The following TRPM3 variants were observed in gnomAD, a reference collection of about 807,000 sequenced individuals.
TRPM3 encodes the protein transient receptor potential cation channel subfamily M member 3.
Under a neutral mutation model 181.2 loss-of-function variants are expected in TRPM3, and 77 were observed. The ratio of observed to expected loss-of-function variants is 0.42; its 90% CI spans 0.35 to 0.51. The LOEUF (loss-of-function observed/expected upper bound fraction) is 0.51, where lower values mean the gene tolerates loss of function less well. TRPM3 is among the 20% of genes least tolerant of loss of function. The pLI, the probability that TRPM3 is intolerant of heterozygous loss-of-function variation, is 0.01. For missense variants in TRPM3, 1,759 were observed against 2,196.7 expected (o/e 0.80, Z 3.98); for synonymous variants, 745 against 796.4 (o/e 0.94, Z 1.09).
chr9:70,980,805 G>T (rs1272692440), intron 1 of TRPM3, among the ~76,000 whole-genome samples: 1 of 152,124 alleles, frequency 6.6e-6, no homozygotes, highest in African/African-American at 2.4e-5. Flanking sequence ...CCAGTCTTTG[G>T]GTGCTTTGTG....
intron 25 of TRPM3, among the ~76,000 whole-genome samples, chr9:70,542,279 A>G (rs1198454325): frequency 6.6e-6 from 1 of 152,260 alleles, no homozygotes; most frequent in African/African-American, 2.4e-5. Context: ...ATGATAAAAA[A>G]TTTATGGATA....
At chr9:70,890,501 G>C (rs1160168332) in intron 1 of TRPM3, among the ~76,000 whole-genome samples, 5 of 152,058 alleles carry the variant, frequency 3.3e-5, no homozygotes, top group Non-Finnish European at 7.4e-5. Flanking sequence ...AGTAGATGAA[G>C]ATAGACCTCC....
At chr9:70,790,427 G>T (rs1588390974) in intron 6 of TRPM3, among the ~76,000 whole-genome samples, 2 of 152,188 alleles carry the variant, frequency 1.3e-5, no homozygotes, top group South Asian at 2.1e-4. Flanking sequence ...ACTAGCTAAA[G>T]CATGTCCCAG....
intron 6 of TRPM3, among the ~76,000 whole-genome samples, chr9:70,823,693 C>CT (rs1366202017): frequency 7.2e-5 from 11 of 151,946 alleles, no homozygotes; most frequent in Admixed American, 7.2e-4. Flanking sequence ...ATGGTTGCCC[C>CT]CCTTGATGTA....
chr9:71,221,044 G>A (rs2080209905), intron 1 of TRPM3, among the ~76,000 whole-genome samples: 1 of 152,270 alleles, frequency 6.6e-6, no homozygotes, highest in South Asian at 2.1e-4. Context: ...CTGTGTGAAT[G>A]AGCTAGTGAA....
chr9:71,344,287 C>T lies in TRPM3; in HGVS notation c.183+102366G>A, dbSNP rs560216755. 6.6e-5 allele frequency among the ~76,000 whole-genome samples: 10 copies of T among 151,944 alleles called. No homozygotes were observed. In the East Asian group the frequency reaches 1.7e-3, roughly 27 times the overall value. ...CAAAATGGCGAAACCCTGTCTCTAC[C>T]AAAAAATACAAAAATTAGCTAGGTA... On this transcript the variant is annotated intron_variant, in intron 1 of 24. Coordinates refer to the TRPM3 transcript ENST00000357533.
intron 1 of TRPM3, among the ~76,000 whole-genome samples, chr9:71,171,909 T>TTC (rs2076882199): frequency 6.7e-6 from 1 of 150,252 alleles, no homozygotes; most frequent in African/African-American, 2.4e-5. Flanking sequence ...TTTGTTGTTT[T>TTC]TGTTTTTAAG....
intron 6 of TRPM3, chr9:70,793,648 C>A: frequency 2.1e-6 from 1 of 470,546 alleles, no homozygotes. Flanking sequence ...CAGTCTTCAC[C>A]TGTCTTTTAT....
chr9:71,348,132 T>A (rs1390657231), intron 1 of TRPM3, among the ~76,000 whole-genome samples: 1 of 152,226 alleles, frequency 6.6e-6, no homozygotes, highest in Non-Finnish European at 1.5e-5. Flanking sequence ...AAATTATTTT[T>A]GCCCTATTGA....
chr9:71,050,514 C>T (rs886268646), intron 1 of TRPM3, among the ~76,000 whole-genome samples: 1 of 152,084 alleles, frequency 6.6e-6, no homozygotes, highest in Admixed American at 6.6e-5. Flanking sequence ...GATTACTGAA[C>T]TATATTTCAT....
intron 8 of TRPM3, among the ~76,000 whole-genome samples, chr9:70,747,925 G>C (rs1030597803): frequency 2.0e-5 from 3 of 151,994 alleles, no homozygotes; most frequent in African/African-American, 4.8e-5. Flanking sequence ...CTAGATATTT[G>C]TGCATTTGGG....
chr9:71,393,031 G>T (rs551752927), intron 1 of TRPM3, among the ~76,000 whole-genome samples: 5 of 152,240 alleles, frequency 3.3e-5, no homozygotes, highest in African/African-American at 1.2e-4. Context: ...TGTAAGAAAC[G>T]ATTTGTTTTC....
chr9:70,744,597 A>G (rs374468198), intron 8 of TRPM3, among the ~76,000 whole-genome samples: 90 of 152,176 alleles, frequency 5.9e-4, no homozygotes, highest in African/African-American at 1.9e-3. Context: ...CATTTTCTTG[A>G]TATTTGTTTT....
At chr9:70,858,657 C>T (rs774462614) in intron 3 of TRPM3, among the ~76,000 whole-genome samples, 1 of 152,020 alleles carries the variant, frequency 6.6e-6, no homozygotes, top group Non-Finnish European at 1.5e-5. Context: ...GGTTTACGCT[C>T]GTAGGGACAG....
At chr9:71,159,105 TAG>T (rs140356660) in intron 1 of TRPM3, among the ~76,000 whole-genome samples, 1,728 of 144,136 alleles carry the variant, frequency 0.012, 14 homozygotes, top group Non-Finnish European at 0.018. Context: ...TATATATATT[TAG>T]AGAGAGAGAG....
At chr9:71,415,740 T>G (rs1302587118) in intron 1 of TRPM3, among the ~76,000 whole-genome samples, 1 of 152,010 alleles carries the variant, frequency 6.6e-6, no homozygotes, top group African/African-American at 2.4e-5. Context: ...CTCAGCCCCC[T>G]GGATGAGCAT....
intron 1 of TRPM3, among the ~76,000 whole-genome samples, chr9:70,942,081 GTA>G (rs2096891143): frequency 6.6e-6 from 1 of 152,236 alleles, no homozygotes; most frequent in African/African-American, 2.4e-5. Flanking sequence ...TGAGACAAAT[GTA>G]TCATACAGTT....
At chr9:70,612,299 A>C (rs898047680) in intron 18 of TRPM3, among the ~76,000 whole-genome samples, 1 of 152,238 alleles carries the variant, frequency 6.6e-6, no homozygotes, top group African/African-American at 2.4e-5. Flanking sequence ...TTTTTATTAC[A>C]TGTGAAGACA....
In TRPM3 at chr9:71,352,022, C is replaced by T. The variant is rs563086057; in HGVS notation, c.183+94631G>A. On this transcript the variant is annotated intron_variant, in intron 1 of 24. Transcript: ENST00000357533. ...TCCCGAGTAGCTGGGACTACAGGCACCCGCCACCACACCCGGCTAATTTTT... is the reference window on the plus strand; with the variant it reads ...TCCCGAGTAGCTGGGACTACAGGCATCCGCCACCACACCCGGCTAATTTTT... Among the ~76,000 whole-genome samples, 19 of 151,774 alleles carry T rather than the reference C, an allele frequency of 1.3e-4. No homozygotes were observed. In the South Asian group the frequency reaches 2.5e-3, roughly 20 times the overall value.
Sources: allele counts gnomAD v4.1 joint callset (sites outside exome capture counted in the v4.1 genomes callset), GRCh38; gene constraint gnomAD v4.1.1; transcripts MANE v1.5; gene names NCBI Gene and HGNC (gene_info 2026-07-23, HGNC 2026-07-21).